The following CNOT6L variants were observed in gnomAD, a reference collection of about 807,000 sequenced individuals.
CNOT6L encodes the protein CCR4-NOT transcription complex subunit 6 like, also known as CCR4-NOT transcription complex subunit 6-like.
CNOT6L carries 7 observed loss-of-function variants against 64.0 expected under a neutral mutation model. The ratio of observed to expected loss-of-function variants is 0.11; its 90% CI spans 0.06 to 0.21. The LOEUF (loss-of-function observed/expected upper bound fraction) is 0.21, where lower values mean the gene tolerates loss of function less well. CNOT6L is among the 10% of genes least tolerant of loss of function. CNOT6L has a pLI of 1.00. For missense variants in CNOT6L, 245 were observed against 669.0 expected (o/e 0.37, Z 6.99); for synonymous variants, 193 against 243.4 (o/e 0.79, Z 1.93).
intron 1 of CNOT6L, among the ~76,000 whole-genome samples, chr4:77,818,554 C>T (rs1256468523): frequency 6.6e-6 from 1 of 152,214 alleles, no homozygotes. Flanking sequence ...GAAGGGAACA[C>T]GACACCGCGT....
chr4:77,780,212 T>C (rs1728703740), intron 1 of CNOT6L, among the ~76,000 whole-genome samples: 1 of 152,224 alleles, frequency 6.6e-6, no homozygotes, highest in Non-Finnish European at 1.5e-5. Context: ...AAGACTTAAA[T>C]ACTGAGTGAT....
At chr4:77,746,778 T>A (rs1724245254) in intron 6 of CNOT6L, among the ~76,000 whole-genome samples, 1 of 152,212 alleles carries the variant, frequency 6.6e-6, no homozygotes, top group Non-Finnish European at 1.5e-5. Flanking sequence ...AAAATAAATC[T>A]ATCTAGCTTT....
chr4:77,715,153 T>A lies in CNOT6L; in HGVS notation c.*5278A>T, dbSNP rs559186574. 6.6e-6 allele frequency: 1 copy of A among 152,196 alleles called. No homozygotes were observed. The highest frequency in any genetic ancestry group is 2.4e-5 in the African/African-American group (1 of 41,546). 9.4% of individuals were successfully genotyped at this position (152,196 alleles called of 1,614,324 possible). A position where few individuals can be genotyped will look rare whatever the true frequency, so the allele number is the denominator to read the frequency against. On this transcript the variant is annotated 3_prime_UTR_variant, in exon 12 of 12. Coordinates refer to ENST00000504123, the MANE Select transcript of CNOT6L (RefSeq NM_144571.3). ...GGAAAATTATCTAAATTTTGAGAGATTGTTCTAACAAAAATAACTAGTACT... is the reference window on the plus strand; with the variant it reads ...GGAAAATTATCTAAATTTTGAGAGAATGTTCTAACAAAAATAACTAGTACT...
chr4:77,762,079 A>T (rs1440808906), intron 4 of CNOT6L, among the ~76,000 whole-genome samples: 2 of 152,186 alleles, frequency 1.3e-5, no homozygotes, highest in Admixed American at 1.3e-4. Flanking sequence ...AAAGCAAAGA[A>T]GATCTGTGTA....
chr4:77,786,370 T>C (rs991504400), intron 1 of CNOT6L, among the ~76,000 whole-genome samples: 1 of 151,914 alleles, frequency 6.6e-6, no homozygotes, highest in Non-Finnish European at 1.5e-5. Flanking sequence ...CCCAGCACTT[T>C]GGGAGGCTGA....
At chr4:77,799,789 T>C (rs1412843816) in intron 1 of CNOT6L, among the ~76,000 whole-genome samples, 1 of 151,754 alleles carries the variant, frequency 6.6e-6, no homozygotes, top group Non-Finnish European at 1.5e-5. Context: ...ATATCATCTA[T>C]TATAAGCCAA....
intron 11 of CNOT6L, 195 bp downstream of exon 11, chr4:77,725,969 GAGC>G: frequency 1.8e-6 from 1 of 567,926 alleles, no homozygotes. Flanking sequence ...ACAAGCAAGA[GAGC>G]AAGAAGAATT....
At chr4:77,734,625 G>C (rs1553924730) in intron 8 of CNOT6L, among the ~76,000 whole-genome samples, 1 of 152,046 alleles carries the variant, frequency 6.6e-6, no homozygotes, top group Non-Finnish European at 1.5e-5. Context: ...TCTAAGAGCG[G>C]CAATCTTTAC....
intron 5 of CNOT6L, among the ~76,000 whole-genome samples, chr4:77,755,799 T>C (rs1725497634): frequency 1.3e-5 from 2 of 152,178 alleles, no homozygotes; most frequent in African/African-American, 4.8e-5. Flanking sequence ...TCATGGCCAC[T>C]ATGCTGGAAC....
At chr4:77,752,692 A>C (rs1724984214) in intron 5 of CNOT6L, among the ~76,000 whole-genome samples, 1 of 151,996 alleles carries the variant, frequency 6.6e-6, no homozygotes, top group African/African-American at 2.4e-5. Flanking sequence ...ATACAAACTA[A>C]AGCTTGTGAG....
At chr4:77,726,966 C>G (rs1721920028) in intron 10 of CNOT6L, among the ~76,000 whole-genome samples, 1 of 152,054 alleles carries the variant, frequency 6.6e-6, no homozygotes, top group Non-Finnish European at 1.5e-5. Flanking sequence ...AAATACAAGG[C>G]TGAAGAGAAG....
chr4:77,755,729 G>A (rs1039710728), intron 5 of CNOT6L, among the ~76,000 whole-genome samples: 1 of 152,062 alleles, frequency 6.6e-6, no homozygotes, highest in Non-Finnish European at 1.5e-5. Context: ...ATGTGAAGGA[G>A]TGGGGAAGAA....
At chr4:77,754,438 T>C (rs1725227584) in intron 5 of CNOT6L, among the ~76,000 whole-genome samples, 1 of 152,060 alleles carries the variant, frequency 6.6e-6, no homozygotes, top group Non-Finnish European at 1.5e-5. Flanking sequence ...GCGTAACAAA[T>C]AGAATAGGAT....
chr4:77,731,303 G>T, intron 9 of CNOT6L, 84 bp downstream of exon 9: 1 of 1,339,472 alleles, frequency 7.5e-7, no homozygotes, highest in South Asian at 1.3e-5. Flanking sequence ...AATAAATAAC[G>T]GCAAAATTCT....
chr4:77,796,493 T>C (rs1463067020), intron 1 of CNOT6L, among the ~76,000 whole-genome samples: 1 of 152,116 alleles, frequency 6.6e-6, no homozygotes, highest in Non-Finnish European at 1.5e-5. Flanking sequence ...TCTGCCATGC[T>C]AAGACATGCT....
chr4:77,807,193 G>A (rs1306535149), intron 1 of CNOT6L, among the ~76,000 whole-genome samples: 2 of 150,134 alleles, frequency 1.3e-5, no homozygotes, highest in Admixed American at 6.7e-5. Context: ...CAGGAGAATC[G>A]CTTGAACCAG....
In CNOT6L at chr4:77,713,621, G is replaced by GTC. The variant is rs150175318; in HGVS notation, c.*6808_*6809dup. ...TAAAAGGCAGGACTGCTTTTTTTTAGTCAATGTTCACATTAATGAAAAAAT... is the reference window on the plus strand; with the variant it reads ...TAAAAGGCAGGACTGCTTTTTTTTAGTCTCAATGTTCACATTAATGAAAAAAT... On this transcript the variant is annotated 3_prime_UTR_variant, in exon 12 of 12. Transcript: ENST00000504123. 6.9e-3 allele frequency: 1,052 copies of GTC among 152,588 alleles called. 18 individuals are homozygous for GTC. Among genetic ancestry groups the GTC allele is most frequent in the East Asian group, 0.027 (141 of 5,186 alleles). 9.5% of individuals were successfully genotyped at this position (152,588 alleles called of 1,614,324 possible).
At chr4:77,808,492 AAGAAG>A (rs993828454) in intron 1 of CNOT6L, among the ~76,000 whole-genome samples, 1 of 151,068 alleles carries the variant, frequency 6.6e-6, no homozygotes, top group Non-Finnish European at 1.5e-5. Flanking sequence ...GAGAAGAGAA[AAGAAG>A]AGAAGCTTGC....
chr4:77,735,123 AAGT>A (rs1437445072), intron 8 of CNOT6L, among the ~76,000 whole-genome samples: 7 of 152,136 alleles, frequency 4.6e-5, no homozygotes, highest in African/African-American at 1.7e-4. Context: ...CAAAAGTTAA[AAGT>A]CCAGGGATGT....
Sources: gnomAD v4.1 joint callset for allele counts (sites outside exome capture counted in the v4.1 genomes callset) on GRCh38, gnomAD v4.1.1 for gene constraint, MANE v1.5 for transcripts, NCBI Gene and HGNC (gene_info 2026-07-23, HGNC 2026-07-21) for gene names.